Variants in CNTNAP2 observed in about 807,000 individuals in gnomAD.
CNTNAP2 encodes the protein contactin-associated protein-like 2.
In CNTNAP2, 98 loss-of-function variants were observed where a neutral mutation model predicts 155.2. The ratio of observed to expected loss-of-function variants is 0.63; its 90% CI spans 0.54 to 0.75. The LOEUF is 0.75. CNTNAP2 is among the 30% of genes least tolerant of loss of function. The pLI is 0.00. For missense variants in CNTNAP2, 1,727 were observed against 1,688.1 expected (o/e 1.02, Z -0.40); for synonymous variants, 651 against 631.2 (o/e 1.03, Z -0.47).
Position 146,461,854 on chromosome 7 carries a change from A to C in CNTNAP2, c.98-312417A>C, listed in dbSNP as rs538770092. 1.6e-3 allele frequency among the ~76,000 whole-genome samples: 238 copies of C among 152,354 alleles called. 1 individual carries two copies. Among genetic ancestry groups the C allele is most frequent in the Non-Finnish European group, 3.0e-3 (204 of 68,026 alleles). ...CAGTGTTCTGGAAAAAAGGAAAATC[A>C]ACGTAGACTAGGCTATTTTTATGTC... On this transcript the variant is annotated intron_variant, in intron 1 of 23. Coordinates refer to ENST00000361727, the MANE Select transcript of CNTNAP2 (RefSeq NM_014141.6).
At chr7:146,901,870 C>CTTTTTTTTTTTTT (rs71165048) in intron 3 of CNTNAP2, among the ~76,000 whole-genome samples, 7 of 88,222 alleles carry the variant, frequency 7.9e-5, no homozygotes, top group South Asian at 4.5e-4. Context: ...ATATATGCTC[C>CTTTTTTTTTTTTT]TTTTTTTTTT....
At position 147,144,287 on chromosome 7, in the gene CNTNAP2, T is replaced by C. The variant is rs190792157; in HGVS notation, c.1348+11778T>C. Among the ~76,000 whole-genome samples the C allele has an allele frequency of 2.7e-4, 41 of 152,300 alleles. No homozygotes were observed. In the East Asian group the frequency reaches 4.2e-3, roughly 16 times the overall value. ...CTTTAGAGTAACTTTATACGAGACA[T>C]TACGTGTGGACACGGAGAAGTAAAT... is the stretch of plus-strand genomic sequence containing the variant. On this transcript the variant is annotated intron_variant, in intron 8 of 23. Coordinates refer to ENST00000361727, the MANE Select transcript of CNTNAP2 (RefSeq NM_014141.6).
At chr7:148,309,306 A>G (rs910063902) in intron 21 of CNTNAP2, among the ~76,000 whole-genome samples, 12 of 152,250 alleles carry the variant, frequency 7.9e-5, no homozygotes, top group African/African-American at 2.7e-4. Context: ...GTCACACACA[A>G]TGACCTTCAC....
At chr7:146,607,258 A>C (rs1007798468) in intron 1 of CNTNAP2, among the ~76,000 whole-genome samples, 1 of 152,134 alleles carries the variant, frequency 6.6e-6, no homozygotes, top group African/African-American at 2.4e-5. Flanking sequence ...CCCAATGTTT[A>C]ATCTTCAAGA....
intron 21 of CNTNAP2, among the ~76,000 whole-genome samples, chr7:148,308,613 A>G (rs1360529487): frequency 1.3e-5 from 2 of 151,670 alleles, no homozygotes; most frequent in Non-Finnish European, 2.9e-5. Context: ...TCTGGGGTAC[A>G]TGTACGGAAC....
chr7:146,527,716 T>C lies in CNTNAP2; in HGVS notation c.98-246555T>C, dbSNP rs201094774. On this transcript the variant is annotated intron_variant, in intron 1 of 23. Coordinates refer to ENST00000361727, the MANE Select transcript of CNTNAP2 (RefSeq NM_014141.6). ...AGTTCAAAGTTGATCATCTATTTAT[T>C]TGGATGTTAATATTAAATCATAAAA... Among the ~76,000 whole-genome samples the C allele has an allele frequency of 3.3e-4, 50 of 152,168 alleles. No homozygotes were observed. The East Asian group carries it at 6.0e-3, about 18-fold the overall frequency.
chr7:147,052,491 T>A (rs768207113), intron 4 of CNTNAP2, among the ~76,000 whole-genome samples: 1 of 152,122 alleles, frequency 6.6e-6, no homozygotes, highest in Non-Finnish European at 1.5e-5. Context: ...TATTGTATCA[T>A]ATTGAACAGT....
chr7:146,533,190 A>T (rs1158848684), intron 1 of CNTNAP2, among the ~76,000 whole-genome samples: 1 of 150,994 alleles, frequency 6.6e-6, no homozygotes, highest in Non-Finnish European at 1.5e-5. Flanking sequence ...TTTTGCAAAA[A>T]TTTTATGAAA....
At chr7:148,252,851 C>T (rs757819210) in intron 20 of CNTNAP2, among the ~76,000 whole-genome samples, 2 of 151,982 alleles carry the variant, frequency 1.3e-5, no homozygotes, top group Non-Finnish European at 2.9e-5. Flanking sequence ...TGACTCTTCC[C>T]AAAACAGGGT....
chr7:148,123,165 G>A (rs981018620), intron 16 of CNTNAP2, among the ~76,000 whole-genome samples: 1 of 152,140 alleles, frequency 6.6e-6, no homozygotes, highest in African/African-American at 2.4e-5. Context: ...ACTCAGTTTG[G>A]GAGTCATCAT....
intron 3 of CNTNAP2, among the ~76,000 whole-genome samples, chr7:147,041,613 G>A (rs911314471): frequency 1.3e-5 from 2 of 152,028 alleles, no homozygotes; most frequent in African/African-American, 2.4e-5. Flanking sequence ...TCCAAATATC[G>A]GTAAAATTAC....
chr7:146,876,892 T>C (rs573778892), intron 3 of CNTNAP2, among the ~76,000 whole-genome samples: 6 of 152,306 alleles, frequency 3.9e-5, no homozygotes, highest in African/African-American at 1.2e-4. Flanking sequence ...ATATTGGTTG[T>C]TCTAGATTAG....
At chr7:146,851,650 CTG>C (rs71165041) in intron 3 of CNTNAP2, among the ~76,000 whole-genome samples, 14,161 of 132,492 alleles carry the variant, frequency 0.11, 676 homozygotes, top group Middle Eastern at 0.15. Context: ...CATCTTTCTT[CTG>C]TGTGTGTGTG....
intron 21 of CNTNAP2, among the ~76,000 whole-genome samples, chr7:148,331,859 C>T (rs1798032543): frequency 6.6e-6 from 1 of 151,418 alleles, no homozygotes; most frequent in Non-Finnish European, 1.5e-5. Flanking sequence ...ACAACTACTA[C>T]ACACTGCCCT....
chr7:147,463,720 T>C (rs1404251430), intron 10 of CNTNAP2, among the ~76,000 whole-genome samples: 2 of 152,066 alleles, frequency 1.3e-5, no homozygotes, highest in African/African-American at 2.4e-5. Context: ...CACAGAGAGA[T>C]TTCTAGCTAG....
chr7:148,035,327 C>T (rs1222639929), intron 15 of CNTNAP2, among the ~76,000 whole-genome samples: 1 of 152,104 alleles, frequency 6.6e-6, no homozygotes, highest in African/African-American at 2.4e-5. Context: ...GAGGCTCTCC[C>T]TCCATCACAA....
intron 1 of CNTNAP2, among the ~76,000 whole-genome samples, chr7:146,570,063 T>C (rs146019614): frequency 2.9e-3 from 449 of 152,328 alleles, no homozygotes; most frequent in African/African-American, 0.01. Context: ...AGAAATGTGC[T>C]TTTTCTCTAA....
chr7:146,216,053 G>A lies in CNTNAP2; in HGVS notation c.97+99080G>A, dbSNP rs377756917. On this transcript the variant is annotated intron_variant, in intron 1 of 23. Coordinates refer to ENST00000361727, the MANE Select transcript of CNTNAP2 (RefSeq NM_014141.6). ...CAGGTGCCTCTAAGCTAGCTGCCAC[G>A]GGAAGGGAATGTAGATGAGTGTCCA... Among the ~76,000 whole-genome samples the A allele has an allele frequency of 1.1e-4, 17 of 152,300 alleles. No homozygotes were observed. The East Asian group carries it at 1.9e-3, about 17-fold the overall frequency.
chr7:146,330,836 T>C (rs547022091), intron 1 of CNTNAP2, among the ~76,000 whole-genome samples: 4 of 152,224 alleles, frequency 2.6e-5, no homozygotes, highest in Non-Finnish European at 4.4e-5. Context: ...GCTAGTAATA[T>C]ATTACATGTC....
Sources: allele counts gnomAD v4.1 joint callset (sites outside exome capture counted in the v4.1 genomes callset), GRCh38; gene constraint gnomAD v4.1.1; transcripts MANE v1.5; gene names NCBI Gene and HGNC (gene_info 2026-07-23, HGNC 2026-07-21).